The following MUC22 variants were observed in gnomAD, a reference collection of about 807,000 sequenced individuals.
MUC22 encodes mucin-22.
In MUC22, 24 loss-of-function variants were observed where a neutral mutation model predicts 40.3. The ratio of observed to expected loss-of-function variants is 0.60; its 90% CI spans 0.43 to 0.84. The LOEUF (loss-of-function observed/expected upper bound fraction) is 0.84. Ranked by LOEUF, MUC22 falls within the 40% of genes least tolerant of loss-of-function variation. The pLI is 0.00. For missense variants in MUC22, 1,926 were observed against 2,130.7 expected (o/e 0.90, Z 1.89); for synonymous variants, 765 against 844.5 (o/e 0.91, Z 1.63).
At chr6:31,010,000 C>A (rs901659252), upstream of MUC22, among the ~76,000 whole-genome samples, 4 of 152,290 alleles carry the variant, frequency 2.6e-5, no homozygotes, top group South Asian at 8.3e-4. Context: ...CCATGTGCTG[C>A]TCTGCAGCTG....
intron 2 of MUC22, among the ~76,000 whole-genome samples, chr6:31,031,468 G>A (rs1029862166): frequency 2.6e-5 from 4 of 152,202 alleles, no homozygotes; most frequent in Non-Finnish European, 4.4e-5. Flanking sequence ...AGGGCCTGCC[G>A]CTTTGTATAC....
chr6:31,030,063 C>A (rs1315518235), exon 2 of MUC22: 2 of 1,534,638 alleles, frequency 1.3e-6, no homozygotes, highest in Non-Finnish European at 1.7e-6. Context: ...AGGCCACTGA[C>A]GTTTCTATCC....
intron 1 of MUC22, among the ~76,000 whole-genome samples, chr6:31,020,502 T>C (rs566942525): frequency 2.0e-4 from 29 of 144,776 alleles, no homozygotes; most frequent in African/African-American, 7.1e-4. Context: ...TGGAGCGTAA[T>C]GGCACGATCT....
At chr6:31,015,078 T>C (rs1218748177) in intron 1 of MUC22, among the ~76,000 whole-genome samples, 1 of 152,150 alleles carries the variant, frequency 6.6e-6, no homozygotes, top group East Asian at 1.9e-4. Context: ...AATTCCTGTG[T>C]TCTTTGAGCT....
exon 2 of MUC22, chr6:31,027,956 G>A (rs868266289): frequency 6.5e-7 from 1 of 1,534,640 alleles, no homozygotes; most frequent in South Asian, 1.2e-5. Flanking sequence ...TCCACTGCAG[G>A]CTCTGAGACC....
At chr6:31,020,890 G>A (rs1299648335) in intron 1 of MUC22, among the ~76,000 whole-genome samples, 1 of 152,224 alleles carries the variant, frequency 6.6e-6, no homozygotes, top group Non-Finnish European at 1.5e-5. Flanking sequence ...GGGTGTACTA[G>A]GTCCCCCAGC....
In MUC22 at chr6:31,027,380, C is replaced by T. The variant is rs777113772; in HGVS notation, c.1949C>T (p.Thr650Ile). Residue 650 changes from threonine (T) to isoleucine (I), a missense_variant, in exon 2 of 4, where the codon ACC (threonine) becomes ATC (isoleucine). By Grantham distance (89) the Thr-to-Ile change is moderately conservative. Transcript: ENST00000561890. The stretch of plus-strand genomic sequence containing the variant: ...GGCTCTGAGGCCACTACAGTCTCCA[C>T]CACAGGCTCTGAGACCACTACAGTT... 43 of 1,533,902 alleles carry T rather than the reference C, an allele frequency of 2.8e-5. No homozygotes were observed. Among genetic ancestry groups the T allele is most frequent in the Non-Finnish European group, 3.7e-5 (42 of 1,146,018 alleles).
At chr6:31,034,176 G>A (rs1031497033) in intron 3 of MUC22, among the ~76,000 whole-genome samples, 2 of 152,196 alleles carry the variant, frequency 1.3e-5, no homozygotes, top group Non-Finnish European at 2.9e-5. Context: ...GTAGTGAGTG[G>A]CAGATATAAG....
At chr6:31,021,941 T>C (rs1764808232) in intron 1 of MUC22, among the ~76,000 whole-genome samples, 1 of 152,128 alleles carries the variant, frequency 6.6e-6, no homozygotes, top group African/African-American at 2.4e-5. Flanking sequence ...TTATGATCTG[T>C]AACACTCACC....
exon 2 of MUC22, chr6:31,026,225 C>T (rs1195671602): frequency 5.9e-6 from 9 of 1,530,196 alleles, no homozygotes; most frequent in Non-Finnish European, 7.0e-6. Context: ...GCTGCAGGCT[C>T]TAACACCACC....
intron 1 of MUC22, among the ~76,000 whole-genome samples, chr6:31,022,039 G>A (rs915328117): frequency 3.3e-5 from 5 of 151,956 alleles, no homozygotes; most frequent in African/African-American, 1.2e-4. Context: ...GGGCTTAAGA[G>A]TTGCTAACAC....
At chr6:31,028,021 G>A (rs1326126880) in exon 2 of MUC22, 1 of 1,532,920 alleles carries the variant, frequency 6.5e-7, no homozygotes, top group East Asian at 2.5e-5. Context: ...TGCAGATTCT[G>A]AGACCACCTC....
upstream of MUC22, among the ~76,000 whole-genome samples, chr6:31,006,455 T>C (rs568011676): frequency 5.3e-5 from 8 of 152,268 alleles, no homozygotes; most frequent in South Asian, 1.7e-3. Flanking sequence ...GCACAGAGGA[T>C]TCTTAGGGCG....
exon 1 of MUC22, chr6:31,010,714 G>A (rs542078484): frequency 1.3e-5 from 9 of 702,598 alleles, no homozygotes; most frequent in African/African-American, 1.0e-4. Context: ...GAGATGAGAA[G>A]AGGAAATATC....
rs1470174457 is a variant in MUC22 at position 31,026,244 on chromosome 6, T to A, written c.813T>A (p.Ser271=). 4 of 1,529,046 alleles carry A rather than the reference T, an allele frequency of 2.6e-6. 1 individual carries two copies. The highest frequency in any genetic ancestry group is 2.4e-5 in the South Asian group (2 of 83,658). The allele number at this position is 1,529,046 out of a possible 1,614,324, so 94.7% of individuals were successfully genotyped here. A position where few individuals can be genotyped will look rare whatever the true frequency, so the allele number is the denominator to read the frequency against. The change falls in exon 2 of 4, where the codon TCT becomes TCA. Residue 271 remains serine (S), a synonymous_variant. Coordinates refer to ENST00000561890, the Ensembl canonical transcript of MUC22. ...CAGGCTCTAACACCACCACAGCCTC[T>A]ACCACAGGCTCTGAGACCACTACAA...
intron 1 of MUC22, among the ~76,000 whole-genome samples, chr6:31,024,811 T>C (rs1765137658): frequency 6.6e-6 from 1 of 152,092 alleles, no homozygotes; most frequent in African/African-American, 2.4e-5. Context: ...CTCAGGGTAT[T>C]TGTACTTATG....
At chr6:31,029,351 C>T (rs1313375424) in exon 2 of MUC22, 3 of 1,535,166 alleles carry the variant, frequency 2.0e-6, no homozygotes, top group South Asian at 2.4e-5. Flanking sequence ...GAGACTACCA[C>T]CACCTCTACT....
At position 31,033,442 on chromosome 6, in the gene MUC22, T is replaced by C. The variant is rs147023695; in HGVS notation, c.5055+861T>C. Among the ~76,000 whole-genome samples the C allele has an allele frequency of 2.9e-3, 442 of 152,360 alleles. 2 individuals are homozygous for C. The highest frequency in any genetic ancestry group is 0.024 in the Middle Eastern group (7 of 294). On this transcript the variant is annotated intron_variant, in intron 3 of 3. Coordinates refer to ENST00000561890, the Ensembl canonical transcript of MUC22. ...ATTTCTGGTCCTCACAGCAATTCCT[T>C]GTGTGGCCTGTGACTGTTACTCTCT...
exon 4 of MUC22, chr6:31,035,020 CA>C: frequency 7.2e-7 from 1 of 1,387,856 alleles, no homozygotes; most frequent in Non-Finnish European, 9.6e-7. Context: ...GATTGGGTAT[CA>C]AAACATATTA....
Sources: allele counts gnomAD v4.1 joint callset (sites outside exome capture counted in the v4.1 genomes callset), GRCh38; gene constraint gnomAD v4.1.1; transcripts MANE v1.5; gene names NCBI Gene and HGNC (gene_info 2026-07-23, HGNC 2026-07-21).